The following BRWD3 variants were observed in gnomAD, a reference collection of about 807,000 sequenced individuals.
BRWD3 encodes bromodomain and WD repeat domain containing 3.
Under a neutral mutation model 149.7 loss-of-function variants are expected in BRWD3, and 10 were observed. That is an observed-to-expected ratio of 0.07 (90% confidence interval 0.04 to 0.11). The LOEUF (loss-of-function observed/expected upper bound fraction) is 0.11, where lower values mean the gene tolerates loss of function less well. Ranked by LOEUF, BRWD3 falls within the 10% of genes least tolerant of loss-of-function variation. The pLI is 1.00. For missense variants in BRWD3, 940 were observed against 1,373.2 expected (o/e 0.68, Z 4.99); for synonymous variants, 504 against 456.7 (o/e 1.10, Z -1.32).
At chrX:80,804,552 TGATAC>T (rs2074332136) in intron 4 of BRWD3, among the ~76,000 whole-genome samples, 1 of 112,046 alleles carries the variant, frequency 8.9e-6, no homozygotes, top group Admixed American at 9.5e-5. Context: ...TTCAGTCTTA[TGATAC>T]GAGACTCCTA....
chrX:80,800,408 G>T (rs764438594), intron 4 of BRWD3, among the ~76,000 whole-genome samples: 1 of 107,157 alleles, frequency 9.3e-6, no homozygotes, highest in Non-Finnish European at 1.9e-5. Flanking sequence ...CAGACATGAC[G>T]GTGCATGCCT....
intron 6 of BRWD3, among the ~76,000 whole-genome samples, chrX:80,754,004 A>G (rs2073705788): frequency 9.0e-6 from 1 of 110,636 alleles, no homozygotes; most frequent in Admixed American, 9.6e-5. Context: ...GGCTATCTGC[A>G]CTCTTTTTGG....
chrX:80,773,784 T>G (rs1446307031), intron 6 of BRWD3, among the ~76,000 whole-genome samples: 3 of 112,034 alleles, frequency 2.7e-5, no homozygotes, highest in Non-Finnish European at 3.8e-5. Flanking sequence ...CCTTGAAGTC[T>G]TCCCATGTTT....
chrX:80,772,310 C>G (rs1211081561), intron 6 of BRWD3, among the ~76,000 whole-genome samples: 1 of 111,475 alleles, frequency 9.0e-6, no homozygotes, highest in African/African-American at 3.3e-5. Context: ...GAGTTCATGT[C>G]TTTTGCAGGG....
At chrX:80,798,547 A>T (rs1285315783) in intron 4 of BRWD3, among the ~76,000 whole-genome samples, 1 of 110,617 alleles carries the variant, frequency 9.0e-6, no homozygotes, top group African/African-American at 3.3e-5. Context: ...ATAATGGCTG[A>T]CTCGGAACAG....
intron 6 of BRWD3, among the ~76,000 whole-genome samples, chrX:80,781,529 T>C (rs778974861): frequency 3.6e-5 from 4 of 110,924 alleles, no homozygotes; most frequent in East Asian, 5.7e-4. Flanking sequence ...CCAAGTGCTG[T>C]TGGGGAGGTT....
At chrX:80,809,379 C>T in intron 1 of BRWD3, 62 bp downstream of exon 1, 1 of 1,139,064 alleles carries the variant, frequency 8.8e-7, no homozygotes, top group Non-Finnish European at 1.2e-6. Context: ...AAGAAACTGA[C>T]AGCCTTCGCG....
intron 6 of BRWD3, among the ~76,000 whole-genome samples, chrX:80,774,645 T>G (rs1454202718): frequency 8.9e-6 from 1 of 111,934 alleles, no homozygotes; most frequent in Non-Finnish European, 1.9e-5. Context: ...CAAATCAAGT[T>G]TATTAGCCTT....
intron 20 of BRWD3, among the ~76,000 whole-genome samples, chrX:80,714,537 C>A (rs1265994581): frequency 9.0e-6 from 1 of 111,171 alleles, no homozygotes; most frequent in African/African-American, 3.3e-5. Flanking sequence ...TCCAGTTGTC[C>A]TGCTTTTCTG....
Position 80,673,990 on chromosome X carries a change from T to C in BRWD3, c.*2619A>G, listed in dbSNP as rs780713038. ...GTATTACAAGAAAGCAAAGTGTAAA[T>C]TGGGGGAAAAAAAAGTCCAGATATA... On this transcript the variant is annotated 3_prime_UTR_variant, in exon 41 of 41. Coordinates refer to ENST00000373275, the MANE Select transcript of BRWD3 (RefSeq NM_153252.5). 2 of 111,206 alleles carry C rather than the reference T, an allele frequency of 1.8e-5. No homozygotes were observed. The highest frequency in any genetic ancestry group is 6.5e-5 in the African/African-American group (2 of 30,713). The allele number at this position is 111,206 out of a possible 1,213,427, so 9.2% of individuals were successfully genotyped here. A position where few individuals can be genotyped will look rare whatever the true frequency, so the allele number is the denominator to read the frequency against.
At chrX:80,789,008 C>CA (rs1288055087) in intron 6 of BRWD3, among the ~76,000 whole-genome samples, 1 of 111,863 alleles carries the variant, frequency 8.9e-6, no homozygotes. Context: ...AAAATGTATA[C>CA]AATTTGTCAA....
At chrX:80,749,511 C>G (rs2147797153) in intron 6 of BRWD3, among the ~76,000 whole-genome samples, 1 of 111,442 alleles carries the variant, frequency 9.0e-6, no homozygotes, top group East Asian at 2.8e-4. Context: ...TACTCCTGTT[C>G]TCTTTTGGAT....
rs201752329 is a variant in BRWD3 at position 80,700,353 on chromosome X, ATATTT to A, written c.2836-294_2836-290del. Among the ~76,000 whole-genome samples, 4 of 98,782 alleles carry A rather than the reference ATATTT, an allele frequency of 4.0e-5. No individual in the cohort carries two copies. In the East Asian group the frequency reaches 1.3e-3, roughly 31 times the overall value. 85.8% of individuals were successfully genotyped at this position (98,782 alleles called of 115,157 possible). On this transcript the variant is annotated intron_variant, in intron 24 of 40. Coordinates refer to ENST00000373275, the MANE Select transcript of BRWD3 (RefSeq NM_153252.5). ...ATGGAAAATGTACACAAAACTGGTC[ATATTT>A]TAAAGTATATGTGCCCCTCCATATC...
At chrX:80,720,765 C>T (rs1272293154) in intron 17 of BRWD3, among the ~76,000 whole-genome samples, 1 of 111,936 alleles carries the variant, frequency 8.9e-6, no homozygotes, top group African/African-American at 3.2e-5. Flanking sequence ...AATTTCCAGT[C>T]CTTTAAGCTC....
At chrX:80,746,550 T>G (rs912346461) in intron 6 of BRWD3, among the ~76,000 whole-genome samples, 2 of 111,711 alleles carry the variant, frequency 1.8e-5, no homozygotes, top group Non-Finnish European at 3.8e-5. Flanking sequence ...GCCACCCACT[T>G]GCCCTGTGAA....
intron 18 of BRWD3, 45 bp downstream of exon 18, chrX:80,719,444 T>A (rs768792272): frequency 9.2e-7 from 1 of 1,084,856 alleles, no homozygotes. Context: ...AGTAAAATAA[T>A]TACAGTACAT....
chrX:80,685,566 C>A, intron 35 of BRWD3, 30 bp from the exon 36 acceptor site: 1 of 1,078,596 alleles, frequency 9.3e-7, no homozygotes, highest in Non-Finnish European at 1.3e-6. Flanking sequence ...ATACTGGTTT[C>A]CAGACAACTA....
At chrX:80,766,203 T>C (rs775179894) in intron 6 of BRWD3, among the ~76,000 whole-genome samples, 3 of 111,319 alleles carry the variant, frequency 2.7e-5, no homozygotes, top group Non-Finnish European at 5.6e-5. Context: ...CCTCTCTCTG[T>C]CTATTTTCAA....
intron 6 of BRWD3, among the ~76,000 whole-genome samples, chrX:80,757,720 G>C (rs1242467174): frequency 1.8e-5 from 2 of 111,816 alleles, no homozygotes; most frequent in Non-Finnish European, 3.8e-5. Context: ...ATGATAGACC[G>C]TACTTCTTAA....
Sources: allele counts gnomAD v4.1 joint callset (sites outside exome capture counted in the v4.1 genomes callset), GRCh38; gene constraint gnomAD v4.1.1; transcripts MANE v1.5; gene names NCBI Gene and HGNC (gene_info 2026-07-23, HGNC 2026-07-21).